OAS2: variants seen among roughly 807,000 people sequenced by gnomAD.
OAS2 encodes 2'-5'-oligoadenylate synthetase 2.
In OAS2, 67 loss-of-function variants were observed where a neutral mutation model predicts 71.3. The observed-to-expected ratio is 0.94, with a 90% CI of 0.77 to 1.15. The LOEUF is 1.15. Among genes scored for constraint, OAS2 ranks in the 50% most tolerant of loss-of-function variants. OAS2 has a pLI of 0.00. For missense variants in OAS2, 789 were observed against 822.5 expected (o/e 0.96, Z 0.50); for synonymous variants, 327 against 321.8 (o/e 1.02, Z -0.17).
chr12:113,000,844 C>G (rs1297188615), intron 5 of OAS2, among the ~76,000 whole-genome samples: 1 of 152,232 alleles, frequency 6.6e-6, no homozygotes, highest in Non-Finnish European at 1.5e-5. Context: ...TAGGCACCGT[C>G]CTCAGCAACT....
chr12:113,006,714 T>C (rs931602120), intron 8 of OAS2, 114 bp downstream of exon 8: 7 of 863,458 alleles, frequency 8.1e-6, no homozygotes. Flanking sequence ...CTTTGGAGAA[T>C]CTGCCCACTG....
At chr12:112,986,951 A>G (rs1593196159) in intron 1 of OAS2, 87 bp from the exon 2 acceptor site, 1 of 1,512,868 alleles carries the variant, frequency 6.6e-7, no homozygotes, top group East Asian at 2.3e-5. Context: ...TTTGGCTTTT[A>G]CTTGAGTTGA....
chr12:113,008,028 C>A, intron 9 of OAS2, 85 bp downstream of exon 9: 1 of 953,222 alleles, frequency 1.0e-6, no homozygotes, highest in Non-Finnish European at 1.7e-6. Context: ...CTGCTGGGGT[C>A]ACGATTCATT....
intron 5 of OAS2, 41 bp downstream of exon 5, chr12:112,998,451 G>C (rs908375637): frequency 2.5e-6 from 4 of 1,590,106 alleles, no homozygotes; most frequent in Middle Eastern, 3.3e-4. Context: ...CATGCTGCAG[G>C]AAGGTCTTCC....
intron 3 of OAS2, 49 bp from the exon 4 acceptor site, chr12:112,997,471 G>C: frequency 6.7e-7 from 1 of 1,500,900 alleles, no homozygotes; most frequent in Non-Finnish European, 9.2e-7. Flanking sequence ...CCCTGACATG[G>C]TAAGAACTAG....
Position 113,010,166 on chromosome 12 carries a change from TG to T in OAS2, c.*917del. Reference sequence around the variant, plus strand: ...CTAGAGGAACCCTACACCCCAACCCTGGGGGGAATGTAGGGAAGAGGTGGCC... The same window carrying T: ...CTAGAGGAACCCTACACCCCAACCCTGGGGGAATGTAGGGAAGAGGTGGCC... On this transcript the variant is annotated 3_prime_UTR_variant, in exon 10 of 10. Coordinates refer to ENST00000392583, the MANE Select transcript of OAS2 (RefSeq NM_002535.3). The T allele has an allele frequency of 6.8e-6, 9 of 1,316,886 alleles. No homozygotes were observed. Among genetic ancestry groups the T allele is most frequent in the Admixed American group, 3.4e-5 (1 of 29,428 alleles). The allele number at this position is 1,316,886 out of a possible 1,614,324, so 81.6% of individuals were successfully genotyped here. A position where few individuals can be genotyped will look rare whatever the true frequency, so the allele number is the denominator to read the frequency against.
rs2044363903 is a variant in OAS2 at position 113,009,731 on chromosome 12, T to C, written c.*476T>C. ...TTTTATTAGAAGTTTCATCCGCAAATTTTCTTCCATTTCATTGCTCAGAAA... is the reference window on the plus strand; with the variant it reads ...TTTTATTAGAAGTTTCATCCGCAAACTTTCTTCCATTTCATTGCTCAGAAA... On this transcript the variant is annotated 3_prime_UTR_variant, in exon 10 of 10. Transcript: ENST00000392583. The C allele has an allele frequency of 1.0e-6, 1 of 987,078 alleles. No individual in the cohort carries two copies. The highest frequency in any genetic ancestry group is 1.2e-6 in the Non-Finnish European group (1 of 831,214). The allele number at this position is 987,078 out of a possible 1,614,324, so 61.1% of individuals were successfully genotyped here. A position where few individuals can be genotyped will look rare whatever the true frequency, so the allele number is the denominator to read the frequency against.
At chr12:112,983,175 G>A (rs1371898849) in intron 1 of OAS2, among the ~76,000 whole-genome samples, 1 of 151,836 alleles carries the variant, frequency 6.6e-6, no homozygotes, top group Non-Finnish European at 1.5e-5. Context: ...GTTCTGTTCT[G>A]ATTTTTATTA....
In OAS2 at chr12:113,009,191, C is replaced by T; in HGVS notation, c.2000C>T (p.Pro667Leu). Residue 667 changes from proline to leucine, a missense_variant, in exon 10 of 10, where the codon CCC (proline) becomes CTC (leucine). Transcript: ENST00000392583. ...GAAGCAAAGGAATGGTTATCCTCTC[C>T]CTGCTTCAAGGATGGGACTGGAAAC... ...AKEAKEWLSSPCFKDGTGNPI... is the reference protein window; with the variant it reads ...AKEAKEWLSSLCFKDGTGNPI... 1.9e-6 allele frequency: 3 copies of T among 1,614,072 alleles called. No homozygotes were observed. Among genetic ancestry groups the T allele is most frequent in the Non-Finnish European group, 2.5e-6 (3 of 1,180,002 alleles).
intron 4 of OAS2, among the ~76,000 whole-genome samples, chr12:112,998,023 A>G (rs1380702423): frequency 2.0e-5 from 3 of 152,134 alleles, no homozygotes; most frequent in East Asian, 3.9e-4. Context: ...TAAGAGAGAA[A>G]GGGGATGGGG....
intron 5 of OAS2, among the ~76,000 whole-genome samples, chr12:112,999,163 C>T (rs891410607): frequency 1.3e-5 from 2 of 152,178 alleles, no homozygotes; most frequent in South Asian, 2.1e-4. Context: ...AGGCAGGTGC[C>T]GGGGGCAACA....
chr12:113,004,262 A>G (rs967371167), intron 6 of OAS2, among the ~76,000 whole-genome samples: 1 of 152,220 alleles, frequency 6.6e-6, no homozygotes. Context: ...GAGGATCTGC[A>G]TACAGGAAAT....
At position 113,009,203 on chromosome 12, in the gene OAS2, A is replaced by G. The variant is rs749673671; in HGVS notation, c.2012A>G (p.Asp671Gly). The G allele has an allele frequency of 1.9e-6, 3 of 1,614,164 alleles. No homozygotes were observed. Among genetic ancestry groups the G allele is most frequent in the South Asian group, 1.1e-5 (1 of 91,076 alleles). Residue 671 changes from aspartate (D) to glycine (G), a missense_variant, in exon 10 of 10, where the codon GAT becomes GGT. Asp to Gly is a moderately conservative substitution (Grantham distance 94, BLOSUM62 -1). Coordinates refer to ENST00000392583, the MANE Select transcript of OAS2 (RefSeq NM_002535.3). Reference protein sequence around the residue: ...KEWLSSPCFKDGTGNPIPPWK... With the variant: ...KEWLSSPCFKGGTGNPIPPWK... Reference sequence around the variant, plus strand: ...TGGTTATCCTCTCCCTGCTTCAAGGATGGGACTGGAAACCCAATACCACCT... The same window carrying G: ...TGGTTATCCTCTCCCTGCTTCAAGGGTGGGACTGGAAACCCAATACCACCT...
intron 2 of OAS2, among the ~76,000 whole-genome samples, chr12:112,992,989 C>CA (rs2044204520): frequency 1.3e-5 from 2 of 152,178 alleles, no homozygotes; most frequent in South Asian, 4.1e-4. Flanking sequence ...GAAATAAACT[C>CA]TTCCCCACAT....
chr12:113,008,289 G>C (rs1003220607), intron 9 of OAS2, among the ~76,000 whole-genome samples: 3 of 152,062 alleles, frequency 2.0e-5, no homozygotes, highest in Non-Finnish European at 4.4e-5. Flanking sequence ...TACTCTTTCA[G>C]ACCTTCAAGA....
chr12:112,996,635 C>T (rs988646967), intron 3 of OAS2, among the ~76,000 whole-genome samples: 2 of 151,868 alleles, frequency 1.3e-5, no homozygotes, highest in Non-Finnish European at 2.9e-5. Context: ...GTTTAAGAGC[C>T]GAACTCCCCG....
Position 113,010,319 on chromosome 12 carries a change from C to T in OAS2, c.*1064C>T. On this transcript the variant is annotated 3_prime_UTR_variant, in exon 10 of 10. Coordinates refer to ENST00000392583, the MANE Select transcript of OAS2 (RefSeq NM_002535.3). ...CCTTTTTTCCCCTAACTCTTTTAAG[C>T]AATGATTGTAACTATTAGGAGACAT... is the stretch of plus-strand genomic sequence containing the variant. The T allele has an allele frequency of 1.3e-6, 2 of 1,560,028 alleles. No homozygotes were observed. The highest frequency in any genetic ancestry group is 2.3e-5 in the East Asian group (1 of 43,712).
chr12:112,980,231 T>C (rs1444712032), intron 1 of OAS2, among the ~76,000 whole-genome samples: 2 of 152,224 alleles, frequency 1.3e-5, no homozygotes, highest in Admixed American at 1.3e-4. Flanking sequence ...CCTCAAACAT[T>C]GATCATTTAT....
rs367602350 is a variant in OAS2, at chr12:112,987,154, C to G, written c.294C>G (p.Leu98=). 2.2e-5 allele frequency: 36 copies of G among 1,613,982 alleles called. No individual in the cohort carries two copies. The highest frequency in any genetic ancestry group is 3.3e-5 in the Admixed American group (2 of 60,004). ...AGAAGAGAAGCCAACGTGACATCCT[C>G]GATAAAACTGGGGATAAGCTGAAGT... ...QDQKRSQRDI[L]DKTGDKLKFC... The change falls in exon 2 of 10, where the codon CTC becomes CTG. Residue 98 remains leucine, a synonymous_variant. Transcript: ENST00000392583.
Sources: gnomAD v4.1 joint callset for allele counts (sites outside exome capture counted in the v4.1 genomes callset) on GRCh38, gnomAD v4.1.1 for gene constraint, MANE v1.5 for transcripts, NCBI Gene and HGNC (gene_info 2026-07-23, HGNC 2026-07-21) for gene names.